Variants in MYH4 observed in about 807,000 individuals in gnomAD.
MYH4 encodes myosin heavy chain 4, also known as myosin-4.
Under a neutral mutation model 229.9 loss-of-function variants are expected in MYH4, and 200 were observed. The ratio of observed to expected loss-of-function variants is 0.87; its 90% CI spans 0.78 to 0.98. The LOEUF (loss-of-function observed/expected upper bound fraction) is 0.98, where lower values mean the gene tolerates loss of function less well. Ranked by LOEUF, MYH4 falls within the 50% of genes least tolerant of loss-of-function variation. MYH4 has a pLI of 0.00. For synonymous variants in MYH4, 761 were observed against 834.6 expected, an observed-to-expected ratio of 0.91 and a Z score of 1.52; for missense variants, 2,148 against 2,332.6, an observed-to-expected ratio of 0.92 and a Z score of 1.63.
At chr17:10,458,255 T>C (rs1167207558) in intron 15 of MYH4, among the ~76,000 whole-genome samples, 3 of 152,216 alleles carry the variant, frequency 2.0e-5, no homozygotes, top group Non-Finnish European at 4.4e-5. Flanking sequence ...AGAGTTTGGC[T>C]TTTTTCTTAA....
chr17:10,457,361 T>C, intron 16 of MYH4, 59 bp downstream of exon 16: 2 of 1,515,234 alleles, frequency 1.3e-6, no homozygotes, highest in Non-Finnish European at 1.8e-6. Context: ...TTTGTCTCTG[T>C]TGAACAGTGT....
intron 23 of MYH4, 134 bp downstream of exon 23, chr17:10,453,509 G>A: frequency 6.4e-7 from 1 of 1,553,844 alleles, no homozygotes; most frequent in Non-Finnish European, 8.8e-7. Context: ...CATTGAGGTG[G>A]TGAAGACTAA....
At chr17:10,450,302 GA>G in intron 30 of MYH4, 150 bp downstream of exon 30, 2 of 1,288,338 alleles carry the variant, frequency 1.6e-6, no homozygotes, top group Non-Finnish European at 2.2e-6. Context: ...TGGGCTTTAA[GA>G]AGAAGAATAT....
In MYH4 at chr17:10,460,260, G is replaced by A. The variant is rs2072686512; in HGVS notation, c.1209C>T (p.Cys403=). ...LNSADLLKSL[C]YPRVKVGNEF... ...CATTGCCGACCTTGACTCTGGGATA[G>A]CAGAGAGATTTGAGCAGGTCAGCAG... The change falls in exon 13 of 40, where the codon TGC becomes TGT. Residue 403 remains cysteine (C), a synonymous_variant. Transcript: ENST00000255381. 1.4e-5 allele frequency: 22 copies of A among 1,614,002 alleles called. No individual in the cohort carries two copies. In the East Asian group the frequency reaches 4.9e-4, roughly 36 times the overall value.
chr17:10,455,786 G>T, intron 18 of MYH4, 28 bp downstream of exon 18: 1 of 1,614,154 alleles, frequency 6.2e-7, no homozygotes, highest in East Asian at 2.2e-5. Context: ...ACACACTGGA[G>T]CTTGTCTGGA....
chr17:10,453,291 T>C lies in MYH4; in HGVS notation c.2972A>G (p.Glu991Gly). The C allele has an allele frequency of 6.2e-7, 1 of 1,614,044 alleles. No homozygotes were observed. Among genetic ancestry groups the C allele is most frequent in the Non-Finnish European group, 8.5e-7 (1 of 1,180,006 alleles). ...CTCCTTGGTCAGCTTAGCAATGGTT[T>C]CATCCAGACCTGCCATCTCTTCTGT... ...NLTEEMAGLD[E>G]TIAKLTKEKK... The change falls in exon 24 of 40, where the codon GAA becomes GGA. Residue 991 changes from glutamate (E) to glycine (G), a missense_variant. By Grantham distance (98) the Glu-to-Gly change is moderately conservative. Transcript: ENST00000255381.
chr17:10,444,954 G>A (rs1285466974), intron 37 of MYH4, 22 bp downstream of exon 37: 1 of 1,614,138 alleles, frequency 6.2e-7, no homozygotes, highest in Admixed American at 1.7e-5. Flanking sequence ...ACAAGGAATT[G>A]AGTGAAGTTG....
intron 35 of MYH4, among the ~76,000 whole-genome samples, chr17:10,446,018 A>T (rs2142208840): frequency 1.3e-5 from 1 of 76,526 alleles, no homozygotes; most frequent in Admixed American, 2.1e-4. Context: ...ACAGAGTGAG[A>T]CCCCTTCTCA....
Position 10,455,256 on chromosome 17 carries a change from C to T in MYH4, c.2214G>A (p.Gln738=), listed in dbSNP as rs2072626074. 3.1e-6 allele frequency: 5 copies of T among 1,613,698 alleles called. No individual in the cohort carries two copies. Among genetic ancestry groups the T allele is most frequent in the Non-Finnish European group, 4.2e-6 (5 of 1,179,808 alleles). The change falls in exon 20 of 40, where the codon CAG becomes CAA. Residue 738 remains glutamine (Q), a synonymous_variant. Coordinates refer to ENST00000255381, the MANE Select transcript of MYH4 (RefSeq NM_017533.2). ...VLNASAIPEG[Q]FIDSKKASEK... ...CAGAAGCCTTCTTGCTGTCAATGAA[C>T]TGACCCTCTGGGATAGCACTCGCAT...
intron 23 of MYH4, 47 bp from the exon 24 acceptor site, chr17:10,453,375 C>T (rs755208714): frequency 1.9e-6 from 3 of 1,612,836 alleles, no homozygotes; most frequent in Non-Finnish European, 8.5e-7. Context: ...AACGTATTAT[C>T]TTGATGAAAA....
chr17:10,454,734 A>G lies in MYH4; in HGVS notation c.2512T>C (p.Phe838Leu). 6.2e-7 allele frequency: 1 copy of G among 1,614,220 alleles called. No homozygotes were observed. The highest frequency in any genetic ancestry group is 8.5e-7 in the Non-Finnish European group (1 of 1,180,050). The change falls in exon 22 of 40, where the codon TTC becomes CTC. Residue 838 changes from phenylalanine (F) to leucine (L), a missense_variant. Phe to Leu is a conservative substitution (Grantham distance 22, BLOSUM62 0). Coordinates refer to ENST00000255381, the MANE Select transcript of MYH4 (RefSeq NM_017533.2). ...CTCTTGAGGAGGGGCTTGATCTTGA[A>G]ATACAGCTTCATCCAGGGCCAGTGC... ...VKHWPWMKLY[F>L]KIKPLLKSAE...
rs545963911 is a variant in MYH4 at position 10,448,618 on chromosome 17, G to A, written c.4531C>T (p.Gln1511Ter). 2.5e-5 allele frequency: 40 copies of A among 1,613,046 alleles called. 1 individual carries two copies. In the South Asian group the frequency reaches 2.5e-4, roughly 10 times the overall value. Residue 1511 changes from glutamine (Q) to a stop codon, truncating the protein, a stop_gained and splice_region_variant, in exon 32 of 40, where the codon CAG becomes TAG. Coordinates refer to ENST00000255381, the MANE Select transcript of MYH4 (RefSeq NM_017533.2). LOFTEE classifies it high-confidence loss of function. ...AAATAGAATGATTACAGTGACTCAC[G>A]TTGTAAGTTCTTATTCTCTCGCTTT... ...TLKRENKNLQ[Q>*]EISDLTEQIA...
At chr17:10,452,584 T>G (rs903901814) in intron 25 of MYH4, 78 bp from the exon 26 acceptor site, 9 of 1,406,820 alleles carry the variant, frequency 6.4e-6, no homozygotes, top group Non-Finnish European at 8.9e-6. Context: ...TAAGACTTTT[T>G]TTATACTGCT....
chr17:10,452,141 T>C lies in MYH4; in HGVS notation c.3538A>G (p.Arg1180Gly). The change falls in exon 27 of 40, where the codon AGG (arginine) becomes GGG (glycine). Residue 1180 changes from arginine to glycine, a missense_variant. Arg to Gly is a moderately radical substitution (Grantham distance 125). Transcript: ENST00000255381. ...TGCAGGGTGGACTCTTCCAGGTCCC[T>C]GCGCATTTTCTGGAACTCAGCCTCC... ...KREAEFQKMR[R>G]DLEESTLQHE... The C allele has an allele frequency of 6.2e-7, 1 of 1,614,110 alleles. No individual in the cohort carries two copies. The highest frequency in any genetic ancestry group is 8.5e-7 in the Non-Finnish European group (1 of 1,180,030).
Position 10,455,879 on chromosome 17 carries a change from G to A in MYH4, c.1991C>T (p.Thr664Ile). 6.2e-7 allele frequency: 1 copy of A among 1,614,174 alleles called. No homozygotes were observed. The highest frequency in any genetic ancestry group is 8.5e-7 in the Non-Finnish European group (1 of 1,180,020). The change falls in exon 18 of 40, where the codon ACC (threonine) becomes ATC (isoleucine). Residue 664 changes from threonine (T) to isoleucine (I), a missense_variant. Thr to Ile is a moderately conservative substitution (Grantham distance 89, BLOSUM62 -1). Transcript: ENST00000255381. ...LFRENLNKLM[T>I]NLRSTHPHFV... ...GTGGGGGTGAGTGCTCCTCAAGTTGGTCATCAGCTTATTCAAATTCTCCTG... is the reference window on the plus strand; with the variant it reads ...GTGGGGGTGAGTGCTCCTCAAGTTGATCATCAGCTTATTCAAATTCTCCTG...
At chr17:10,463,051 G>C (rs1262797604) in intron 10 of MYH4, 39 bp downstream of exon 10, 1 of 1,590,642 alleles carries the variant, frequency 6.3e-7, no homozygotes, top group Non-Finnish European at 8.6e-7. Context: ...TAGAAGGGCT[G>C]TTATTCTTTG....
intron 19 of MYH4, 58 bp downstream of exon 19, chr17:10,455,556 T>A (rs2072629442): frequency 3.8e-6 from 6 of 1,590,344 alleles, no homozygotes; most frequent in Non-Finnish European, 5.2e-6. Context: ...ATGTTGGAAT[T>A]ATATAGTGAT....
At position 10,447,007 on chromosome 17, in the gene MYH4, C is replaced by A. The variant is rs751556969; in HGVS notation, c.5169+6G>T. 1.2e-6 allele frequency: 2 copies of A among 1,613,250 alleles called. No individual in the cohort carries two copies. The highest frequency in any genetic ancestry group is 1.7e-5 in the Admixed American group (1 of 59,998). On this transcript the variant is annotated splice_donor_region_variant and intron_variant, in intron 35 of 39. Transcript: ENST00000255381. ...ACATTTTCTAAACCATAGTCTTGAA[C>A]CTCACCTGAGTGTGCAGAAGTTGCA...
chr17:10,444,797 G>A lies in MYH4; in HGVS notation c.5569C>T (p.Gln1857Ter), dbSNP rs1340510443. 3.7e-6 allele frequency: 6 copies of A among 1,613,844 alleles called. No homozygotes were observed. ...GAAGATATGAAAACACTGGTCACCTGGTAAGTGAGTTCCTTCACTCTTCTC... is the reference window on the plus strand; with the variant it reads ...GAAGATATGAAAACACTGGTCACCTAGTAAGTGAGTTCCTTCACTCTTCTC... ...HERRVKELTY[Q>*]TEEDRKNILR... The change falls in exon 38 of 40, where the codon CAG becomes TAG. Residue 1857 changes from glutamine (Q) to a stop codon, truncating the protein, a stop_gained and splice_region_variant. Coordinates refer to ENST00000255381, the MANE Select transcript of MYH4 (RefSeq NM_017533.2). LOFTEE classifies it high-confidence loss of function.
Sources: allele counts gnomAD v4.1 joint callset (sites outside exome capture counted in the v4.1 genomes callset), GRCh38; gene constraint gnomAD v4.1.1; transcripts MANE v1.5; gene names NCBI Gene and HGNC (gene_info 2026-07-23, HGNC 2026-07-21).